The following GAD2 variants were observed in gnomAD, a reference collection of about 807,000 sequenced individuals.
GAD2 encodes 65 kDa glutamic acid decarboxylase.
Under a neutral mutation model 80.1 loss-of-function variants are expected in GAD2, and 22 were observed. The observed-to-expected ratio is 0.27, with a 90% CI of 0.20 to 0.39. GAD2 has a LOEUF of 0.39. Among genes scored for constraint, GAD2 ranks in the 10% least tolerant of loss-of-function variants. GAD2 has a pLI of 1.00. For missense variants in GAD2, 624 were observed against 738.4 expected (o/e 0.85, Z 1.80); for synonymous variants, 274 against 256.9 (o/e 1.07, Z -0.64).
chr10:26,219,642 T>A (rs534591181), intron 4 of GAD2, among the ~76,000 whole-genome samples: 3 of 151,972 alleles, frequency 2.0e-5, no homozygotes, highest in African/African-American at 7.3e-5. Context: ...GCTCGAAAAA[T>A]GCGTGATCCA....
In GAD2 at chr10:26,241,819, C is replaced by T. The variant is rs79325153; in HGVS notation, c.841-4102C>T. On this transcript the variant is annotated intron_variant, in intron 7 of 15. Transcript: ENST00000376261. ...CCCTTTGATGATAATAGGTTGTTAT[C>T]TTCTGAGGTGTAGTTTGCGTCCTCA... Among the ~76,000 whole-genome samples the T allele has an allele frequency of 3.3e-3, 503 of 152,044 alleles. 5 individuals carry two copies. The highest frequency in any genetic ancestry group is 9.2e-3 in the African/African-American group (383 of 41,478).
chr10:26,229,669 C>T lies in GAD2; in HGVS notation c.732C>T (p.Ala244=), dbSNP rs1226709333. 1 of 1,613,032 alleles carries T rather than the reference C, an allele frequency of 6.2e-7. No individual in the cohort carries two copies. The highest frequency in any genetic ancestry group is 1.7e-5 in the Admixed American group (1 of 59,952). The change falls in exon 7 of 16, where the codon GCC becomes GCT. Residue 244 remains alanine (A), a synonymous_variant. Coordinates refer to ENST00000376261, the MANE Select transcript of GAD2 (RefSeq NM_001134366.2). Reference sequence around the variant, plus strand: ...TGTTGCTGTGCACTTTAGGTGGCGCCATATCTAACATGTATGCCATGATGA... The same window carrying T: ...TGTTGCTGTGCACTTTAGGTGGCGCTATATCTAACATGTATGCCATGATGA... ...SGDGIFSPGG[A]ISNMYAMMIA...
intron 13 of GAD2, among the ~76,000 whole-genome samples, chr10:26,287,335 G>A (rs1302126424): frequency 1.3e-5 from 2 of 152,104 alleles, no homozygotes; most frequent in African/African-American, 4.8e-5. Context: ...AAGAAAGTGA[G>A]AAAGGGGGCG....
At chr10:26,240,733 A>C (rs151289452) in intron 7 of GAD2, among the ~76,000 whole-genome samples, 10,670 of 146,902 alleles carry the variant, frequency 0.073, 1,236 homozygotes, top group African/African-American at 0.25. Context: ...CTCCATCACA[A>C]AAAAAAAAAA....
chr10:26,289,128 G>C (rs1296089632), intron 13 of GAD2, among the ~76,000 whole-genome samples: 1 of 151,912 alleles, frequency 6.6e-6, no homozygotes, highest in Non-Finnish European at 1.5e-5. Context: ...AATAAGCTAA[G>C]TCCTACAATC....
In GAD2 at chr10:26,285,561, A is replaced by G. The variant is rs11015027; in HGVS notation, c.1237-784A>G. On this transcript the variant is annotated intron_variant, in intron 12 of 15. Transcript: ENST00000376261. Reference sequence around the variant, plus strand: ...CATGATTCAGTCACTATTCTCTGGAATAATTCAATCACTTTGCCACCCATT... The same window carrying G: ...CATGATTCAGTCACTATTCTCTGGAGTAATTCAATCACTTTGCCACCCATT... Among the ~76,000 whole-genome samples the G allele has an allele frequency of 8.5e-5, 13 of 152,366 alleles. No homozygotes were observed. The East Asian group carries it at 2.5e-3, about 29-fold the overall frequency.
At chr10:26,263,735 C>T (rs957944256) in intron 8 of GAD2, among the ~76,000 whole-genome samples, 4 of 152,236 alleles carry the variant, frequency 2.6e-5, no homozygotes, top group Admixed American at 1.3e-4. Context: ...ACTGCTATTG[C>T]GTTTGAATGC....
intron 7 of GAD2, among the ~76,000 whole-genome samples, chr10:26,245,199 T>TGGTGCATTTCGG (rs1844790593): frequency 2.3e-5 from 3 of 129,350 alleles, no homozygotes; most frequent in African/African-American, 8.6e-5. Context: ...TAATGCACAG[T>TGGTGCATTTCGG]GGTGCCTGTC....
intron 7 of GAD2, among the ~76,000 whole-genome samples, chr10:26,230,459 C>T (rs962773163): frequency 1.3e-5 from 2 of 151,380 alleles, no homozygotes; most frequent in Admixed American, 1.3e-4. Flanking sequence ...GAGACAATCT[C>T]GCTATGTCAC....
chr10:26,275,934 C>T (rs750984487), intron 11 of GAD2, among the ~76,000 whole-genome samples: 3 of 152,118 alleles, frequency 2.0e-5, no homozygotes, highest in Non-Finnish European at 2.9e-5. Flanking sequence ...GTGGAAGGAT[C>T]ATTGAGGCCA....
chr10:26,263,599 G>A (rs1206562140), intron 8 of GAD2, among the ~76,000 whole-genome samples: 1 of 152,132 alleles, frequency 6.6e-6, no homozygotes, highest in Admixed American at 6.6e-5. Flanking sequence ...TAGTCACTAC[G>A]CAGTCTGTGC....
At chr10:26,231,757 G>A (rs1294906929) in intron 7 of GAD2, among the ~76,000 whole-genome samples, 1 of 152,140 alleles carries the variant, frequency 6.6e-6, no homozygotes, top group Non-Finnish European at 1.5e-5. Context: ...GGAAGATTCC[G>A]TTTCCTTGAT....
At chr10:26,236,340 G>A (rs1016512037) in intron 7 of GAD2, among the ~76,000 whole-genome samples, 4 of 140,218 alleles carry the variant, frequency 2.9e-5, no homozygotes, top group African/African-American at 5.5e-5. Context: ...CACTCTTGTC[G>A]TCCAGGCTGG....
At chr10:26,296,053 C>T (rs555427686) in intron 15 of GAD2, among the ~76,000 whole-genome samples, 15 of 152,222 alleles carry the variant, frequency 9.9e-5, no homozygotes, top group Middle Eastern at 3.4e-3. Context: ...GTTCTAGAGG[C>T]GGGGAAGTCC....
At chr10:26,259,812 T>C (rs1474961529) in intron 8 of GAD2, among the ~76,000 whole-genome samples, 3 of 152,166 alleles carry the variant, frequency 2.0e-5, no homozygotes, top group Non-Finnish European at 2.9e-5. Flanking sequence ...TGTCCTATGT[T>C]TTCTTCTAAG....
chr10:26,245,442 A>G (rs1358765035), intron 7 of GAD2, among the ~76,000 whole-genome samples: 7 of 147,698 alleles, frequency 4.7e-5, no homozygotes, highest in Non-Finnish European at 1.0e-4. Context: ...TTTTACCACA[A>G]TTTTTTTTTT....
At chr10:26,229,823 G>A (rs749824527) in intron 7 of GAD2, 46 bp downstream of exon 7, 1 of 1,426,488 alleles carries the variant, frequency 7.0e-7, no homozygotes, top group East Asian at 2.3e-5. Flanking sequence ...GTTCCATAAA[G>A]CCCGAGTTTA....
intron 8 of GAD2, among the ~76,000 whole-genome samples, chr10:26,251,190 G>A (rs1256762560): frequency 2.0e-5 from 3 of 151,348 alleles, no homozygotes; most frequent in African/African-American, 7.3e-5. Flanking sequence ...GCACCACCAT[G>A]CCCAGCCTCA....
chr10:26,252,651 C>T lies in GAD2; in HGVS notation c.920+6651C>T, dbSNP rs553893159. Among the ~76,000 whole-genome samples the T allele has an allele frequency of 1.5e-4, 22 of 146,726 alleles. 1 individual carries two copies. In the East Asian group the frequency reaches 2.3e-3, roughly 15 times the overall value. Reference sequence around the variant, plus strand: ...CAGGCATGAGCCACCATGCCCGACCCGGTACCCCTTCTTTTTTTTTTGAGA... The same window carrying T: ...CAGGCATGAGCCACCATGCCCGACCTGGTACCCCTTCTTTTTTTTTTGAGA... On this transcript the variant is annotated intron_variant, in intron 8 of 15. Coordinates refer to ENST00000376261, the MANE Select transcript of GAD2 (RefSeq NM_001134366.2).
Sources: allele counts gnomAD v4.1 joint callset (sites outside exome capture counted in the v4.1 genomes callset), GRCh38; gene constraint gnomAD v4.1.1; transcripts MANE v1.5; gene names NCBI Gene and HGNC (gene_info 2026-07-23, HGNC 2026-07-21).